XG: variants seen among roughly 807,000 people sequenced by gnomAD.
XG encodes Xg glycoprotein (Xg blood group).
XG carries 24 observed loss-of-function variants against 25.7 expected under a neutral mutation model. The observed-to-expected ratio is 0.93, with a 90% CI of 0.68 to 1.31. XG has a LOEUF of 1.31. XG is among the 40% of genes most tolerant of loss of function. XG has a pLI of 0.00. For synonymous variants in XG, 77 were observed against 69.2 expected (o/e 1.11, Z -0.56); for missense variants, 181 against 187.6 (o/e 0.96, Z 0.21).
intron 1 of XG, among the ~76,000 whole-genome samples, chrX:2,753,636 G>C (rs2050377298): frequency 6.6e-6 from 1 of 151,206 alleles, no homozygotes; most frequent in African/African-American, 2.4e-5. Flanking sequence ...AGGCTGGAGT[G>C]CAGTGACACA....
At chrX:2,759,376 G>A (rs1603302839) in intron 1 of XG, among the ~76,000 whole-genome samples, 1 of 151,342 alleles carries the variant, frequency 6.6e-6, no homozygotes. Flanking sequence ...GTACGCTGTA[G>A]GAGGTATAGT....
intron 1 of XG, among the ~76,000 whole-genome samples, chrX:2,766,429 G>A (rs756459084): frequency 3.5e-4 from 53 of 151,638 alleles, no homozygotes; most frequent in African/African-American, 9.9e-4. Context: ...GTGAGCCACC[G>A]CACCCGGCCT....
chrX:2,802,873 G>A (rs1365289252), intron 7 of XG, among the ~76,000 whole-genome samples: 9 of 110,713 alleles, frequency 8.1e-5, no homozygotes, highest in Non-Finnish European at 1.5e-4. Context: ...TGATCCCCGG[G>A]GAAGAAGGGA....
At chrX:2,774,641 G>T in intron 2 of XG, 75 bp from the exon 3 acceptor site, 5 of 1,523,208 alleles carry the variant, frequency 3.3e-6, no homozygotes, top group Non-Finnish European at 4.6e-6. Flanking sequence ...TTTCATCAGG[G>T]CGTTCATGGC....
At chrX:2,812,250 A>C (rs2087065349) in intron 10 of XG, among the ~76,000 whole-genome samples, 1 of 111,619 alleles carries the variant, frequency 9.0e-6, no homozygotes, top group African/African-American at 3.3e-5. Flanking sequence ...AGGGGAGAGG[A>C]AAGATCTGCT....
intron 7 of XG, among the ~76,000 whole-genome samples, chrX:2,800,917 A>G (rs1432243338): frequency 9.8e-6 from 1 of 101,891 alleles, no homozygotes; most frequent in African/African-American, 3.6e-5. Flanking sequence ...TTGAGGCTGC[A>G]GTGAACCGTG....
intron 4 of XG, among the ~76,000 whole-genome samples, chrX:2,784,228 C>T (rs978068158): frequency 5.4e-5 from 6 of 111,191 alleles, no homozygotes; most frequent in Admixed American, 4.8e-4. Flanking sequence ...CTGAAACATA[C>T]TTGGGAAACG....
chrX:2,771,416 A>G (rs990657481), intron 2 of XG, among the ~76,000 whole-genome samples: 1 of 152,180 alleles, frequency 6.6e-6, no homozygotes, highest in Non-Finnish European at 1.5e-5. Flanking sequence ...AGGACCTGGA[A>G]TCTTCCCATT....
chrX:2,781,871 T>G (rs1277121416), intron 3 of XG, among the ~76,000 whole-genome samples, 195 bp from the exon 4 acceptor site: 1 of 111,937 alleles, frequency 8.9e-6, no homozygotes. Flanking sequence ...TTTTTTAAGT[T>G]TCAGGTTTCA....
rs1234951925 is a variant in XG, at chrX:2,814,678, T to C, written c.*298T>C. The C allele has an allele frequency of 3.7e-6, 1 of 267,136 alleles. No individual in the cohort carries two copies. Among genetic ancestry groups the C allele is most frequent in the East Asian group, 6.9e-5 (1 of 14,423 alleles). 22.0% of individuals were successfully genotyped at this position (267,136 alleles called of 1,213,427 possible). ...GGCTCTCTGTTGTGAGATCTTCAGCTACCTCATGGTGCAATAACACACACA... is the reference window on the plus strand; with the variant it reads ...GGCTCTCTGTTGTGAGATCTTCAGCCACCTCATGGTGCAATAACACACACA... On this transcript the variant is annotated 3_prime_UTR_variant, in exon 11 of 11. Transcript: ENST00000644266.
At chrX:2,780,300 AT>A (rs1346360589) in intron 3 of XG, among the ~76,000 whole-genome samples, 36 of 152,020 alleles carry the variant, frequency 2.4e-4, no homozygotes, top group Admixed American at 2.4e-3. Flanking sequence ...AGAAGAGGGA[AT>A]TATGCAATTG....
intron 1 of XG, among the ~76,000 whole-genome samples, chrX:2,756,237 C>T (rs762582786): frequency 2.0e-5 from 3 of 151,850 alleles, no homozygotes; most frequent in South Asian, 2.1e-4. Flanking sequence ...TGAAGGAGCA[C>T]GAGACAAAAT....
chrX:2,774,417 T>C (rs1361732285), intron 2 of XG, among the ~76,000 whole-genome samples: 1 of 106,158 alleles, frequency 9.4e-6, no homozygotes, highest in Non-Finnish European at 2.0e-5. Context: ...CCCTCCACCG[T>C]CCAGCCCTGT....
intron 1 of XG, among the ~76,000 whole-genome samples, chrX:2,753,752 T>C (rs1228300849): frequency 1.3e-5 from 2 of 152,062 alleles, no homozygotes; most frequent in Non-Finnish European, 2.9e-5. Flanking sequence ...CCAGCTAATT[T>C]TTCTATTTTT....
rs1179667048 is a variant in XG, at chrX:2,786,260, C to CTTTTTTTTTTTTT, written c.191-3379_191-3367dup. ...CCCCAGCAGCTCCTATCCATGTTGTCTTTTTTTTTTTTTTTTTCAGACAGA... is the reference window on the plus strand; with the variant it reads ...CCCCAGCAGCTCCTATCCATGTTGTCTTTTTTTTTTTTTTTTTTTTTTTTTTTTTTCAGACAGA... On this transcript the variant is annotated intron_variant, in intron 4 of 10. Coordinates refer to ENST00000644266, the MANE Select transcript of XG (RefSeq NM_001141919.2). 3.8e-4 allele frequency among the ~76,000 whole-genome samples: 23 copies of CTTTTTTTTTTTTT among 60,567 alleles called. 4 individuals carry two copies. The highest frequency in any genetic ancestry group is 2.1e-3 in the Admixed American group (8 of 3,812). The allele number at this position is 60,567 out of a possible 115,157, so 52.6% of individuals were successfully genotyped here.
At chrX:2,780,727 AAAG>A (rs200362299) in intron 3 of XG, among the ~76,000 whole-genome samples, 356 of 141,368 alleles carry the variant, frequency 2.5e-3, no homozygotes, top group African/African-American at 7.5e-3. Context: ...CAAAAAAAAA[AAAG>A]AAGAAGTATA....
intron 3 of XG, among the ~76,000 whole-genome samples, chrX:2,781,205 C>A (rs2534635): frequency 0.57 from 85,292 of 150,856 alleles, 24,379 homozygotes; most frequent in Middle Eastern, 0.7. Flanking sequence ...AGGACTTTCC[C>A]GGGCCTTAAA....
intron 4 of XG, among the ~76,000 whole-genome samples, chrX:2,786,946 T>C (rs756738879): frequency 3.7e-5 from 4 of 109,045 alleles, no homozygotes; most frequent in East Asian, 5.8e-4. Context: ...AGAATCAATG[T>C]CTGTTGTTTA....
At chrX:2,755,422 A>T (rs981657891) in intron 1 of XG, among the ~76,000 whole-genome samples, 1 of 152,158 alleles carries the variant, frequency 6.6e-6, no homozygotes, top group African/African-American at 2.4e-5. Flanking sequence ...GGACAACCAG[A>T]GGCCACTCTC....
Sources: gnomAD v4.1 joint callset for allele counts (sites outside exome capture counted in the v4.1 genomes callset) on GRCh38, gnomAD v4.1.1 for gene constraint, MANE v1.5 for transcripts, NCBI Gene and HGNC (gene_info 2026-07-23, HGNC 2026-07-21) for gene names.